Variants in DAAM2 observed in about 807,000 individuals in gnomAD.
The protein encoded by DAAM2 is disheveled-associated activator of morphogenesis 2.
In DAAM2, 39 loss-of-function variants were observed where a neutral mutation model predicts 120.7. The ratio of observed to expected loss-of-function variants is 0.32; its 90% CI spans 0.25 to 0.42. The LOEUF (loss-of-function observed/expected upper bound fraction) is 0.42, where lower values mean the gene tolerates loss of function less well. Ranked by LOEUF, DAAM2 falls within the 10% of genes least tolerant of loss-of-function variation. DAAM2 has a pLI of 1.00. For synonymous variants in DAAM2, 488 were observed against 524.9 expected, an observed-to-expected ratio of 0.93 and a Z score of 0.96; for missense variants, 1,283 against 1,401.7, an observed-to-expected ratio of 0.92 and a Z score of 1.35.
chr6:39,825,454 G>C (rs1273478822), intron 1 of DAAM2, among the ~76,000 whole-genome samples: 20 of 131,482 alleles, frequency 1.5e-4, no homozygotes, highest in Non-Finnish European at 2.8e-4. Flanking sequence ...TTGGTGGGGG[G>C]CCTTTGTTTC....
chr6:39,890,058 G>A (rs1326908767), intron 17 of DAAM2, among the ~76,000 whole-genome samples: 1 of 152,112 alleles, frequency 6.6e-6, no homozygotes, highest in African/African-American at 2.4e-5. Flanking sequence ...AACCCAGGAG[G>A]CGGAGGTTGC....
chr6:39,855,152 A>G (rs993217316), intron 1 of DAAM2, among the ~76,000 whole-genome samples: 1 of 152,226 alleles, frequency 6.6e-6, no homozygotes, highest in African/African-American at 2.4e-5. Context: ...TTGGCTGGGT[A>G]GCAGTTTGGT....
chr6:39,813,882 A>G (rs1369423935), intron 1 of DAAM2, among the ~76,000 whole-genome samples: 1 of 152,210 alleles, frequency 6.6e-6, no homozygotes, highest in East Asian at 1.9e-4. Context: ...TTGTGGTTTT[A>G]TCTTCTGGTT....
intron 1 of DAAM2, among the ~76,000 whole-genome samples, chr6:39,832,051 G>A (rs1487602100): frequency 2.0e-5 from 3 of 149,256 alleles, no homozygotes; most frequent in Non-Finnish European, 3.0e-5. Flanking sequence ...GGTACACTGC[G>A]GGGACAGGTG....
intron 1 of DAAM2, among the ~76,000 whole-genome samples, chr6:39,851,456 C>T (rs1212718561): frequency 6.6e-6 from 1 of 152,130 alleles, no homozygotes; most frequent in Non-Finnish European, 1.5e-5. Flanking sequence ...AATAAAATGT[C>T]GACATAGCCA....
chr6:39,861,473 C>A, intron 3 of DAAM2: 1 of 292,182 alleles, frequency 3.4e-6, no homozygotes, highest in Non-Finnish European at 6.8e-6. Flanking sequence ...AGCATATCCT[C>A]CCTCTCTTCT....
intron 1 of DAAM2, among the ~76,000 whole-genome samples, chr6:39,827,924 C>G (rs1375368748): frequency 6.6e-6 from 1 of 152,126 alleles, no homozygotes; most frequent in African/African-American, 2.4e-5. Flanking sequence ...AAGGCTCATA[C>G]CTGGGGAACG....
Position 39,802,666 on chromosome 6 carries a change from G to T in DAAM2, c.-57+10201G>T, listed in dbSNP as rs184146553. On this transcript the variant is annotated intron_variant, in intron 1 of 24. Coordinates refer to ENST00000274867, the MANE Select transcript of DAAM2 (RefSeq NM_001201427.2). ...TAAATAATACATCCCAGTGCCTTTT[G>T]CTGTCTACTGCCTACCTAGTCCACT... 2.6e-5 allele frequency among the ~76,000 whole-genome samples: 4 copies of T among 152,242 alleles called. No individual in the cohort carries two copies. The East Asian group carries it at 7.7e-4, about 29-fold the overall frequency.
intron 3 of DAAM2, among the ~76,000 whole-genome samples, chr6:39,863,430 G>A (rs1764296198): frequency 6.6e-6 from 1 of 152,150 alleles, no homozygotes; most frequent in Non-Finnish European, 1.5e-5. Flanking sequence ...TTTGTATTTT[G>A]TGAAACAAAA....
chr6:39,847,119 A>G (rs13214817), intron 1 of DAAM2, among the ~76,000 whole-genome samples: 1 of 152,208 alleles, frequency 6.6e-6, no homozygotes, highest in Non-Finnish European at 1.5e-5. Flanking sequence ...CCCGGGGGCC[A>G]GGTGGGGCCA....
At chr6:39,825,118 G>A (rs907427883) in intron 1 of DAAM2, among the ~76,000 whole-genome samples, 2 of 152,070 alleles carry the variant, frequency 1.3e-5, no homozygotes, top group African/African-American at 2.4e-5. Flanking sequence ...GGCTGGGTGC[G>A]GTGGCTCACG....
intron 6 of DAAM2, chr6:39,868,256 G>T (rs1341603758): frequency 4.1e-6 from 1 of 244,556 alleles, no homozygotes; most frequent in Non-Finnish European, 8.0e-6. Flanking sequence ...CCTAATGTGG[G>T]ACACTGGGAC....
At position 39,884,045 on chromosome 6, in the gene DAAM2, G is replaced by A; in HGVS notation, c.1929G>A (p.Met643Ile). The A allele has an allele frequency of 6.2e-7, 1 of 1,608,318 alleles. No homozygotes were observed. The highest frequency in any genetic ancestry group is 8.5e-7 in the Non-Finnish European group (1 of 1,175,762). The change falls in exon 15 of 25, where the codon ATG (methionine) becomes ATA (isoleucine). Residue 643 changes from methionine to isoleucine, a missense_variant. Physicochemically the swap from Met to Ile is conservative, Grantham distance 10. This residue lies in a region of DAAM2 where 748 missense variants were observed against 768.6 expected (regional missense o/e 0.97). Coordinates refer to ENST00000274867, the MANE Select transcript of DAAM2 (RefSeq NM_001201427.2). ...TGGACCTAGAGGATTTTGAAAAGAT[G>A]TTTTCAGCCTACCAGAGGCACCAGG... is the stretch of plus-strand genomic sequence containing the variant. The part of the protein sequence containing the change: ...RILDLEDFEK[M>I]FSAYQRHQKE...
chr6:39,874,182 T>A (rs540517631), intron 10 of DAAM2, among the ~76,000 whole-genome samples: 8 of 152,326 alleles, frequency 5.3e-5, no homozygotes, highest in African/African-American at 1.9e-4. Context: ...ATTTGAATAG[T>A]GAGTGAACCT....
rs374693093 is a variant in DAAM2, at chr6:39,864,557, C to A, written c.333+50C>A. ...CTGCCCCCACCTGGAAAGGCTACGG[C>A]AGGGAGTGATTCCCCCAGCCCCCAC... is the stretch of plus-strand genomic sequence containing the variant. On this transcript the variant is annotated intron_variant, in intron 4 of 24. Transcript: ENST00000274867. The A allele has an allele frequency of 7.6e-5, 113 of 1,488,074 alleles. No individual in the cohort carries two copies. In the African/African-American group the frequency reaches 1.3e-3, roughly 18 times the overall value. 92.2% of individuals were successfully genotyped at this position (1,488,074 alleles called of 1,614,324 possible). A position where few individuals can be genotyped will look rare whatever the true frequency, so the allele number is the denominator to read the frequency against.
intron 1 of DAAM2, chr6:39,822,332 CT>C (rs1762517889): frequency 6.6e-6 from 1 of 152,224 alleles, no homozygotes; most frequent in African/African-American, 2.4e-5. Context: ...GCCTCAGCCC[CT>C]GGCACTCACC....
At chr6:39,838,268 T>A (rs953236463) in intron 1 of DAAM2, among the ~76,000 whole-genome samples, 2 of 152,210 alleles carry the variant, frequency 1.3e-5, no homozygotes, top group African/African-American at 4.8e-5. Context: ...GGAGGACACA[T>A]AAGGCACCCA....
Position 39,878,635 on chromosome 6 carries a change from C to T in DAAM2, c.1545+47C>T, listed in dbSNP as rs1764973939. ...TACATAGTTGAGCCAAGACCCTGGG[C>T]TTCAGGACTGGGTGGGCAGAGCAGG... On this transcript the variant is annotated intron_variant, in intron 13 of 24. Coordinates refer to ENST00000274867, the MANE Select transcript of DAAM2 (RefSeq NM_001201427.2). This position sits in a 1 kb window ranked among gnomAD's most constrained non-coding sequence, Gnocchi z 5.0. 1.3e-6 allele frequency: 2 copies of T among 1,547,162 alleles called. No individual in the cohort carries two copies. The highest frequency in any genetic ancestry group is 2.4e-5 in the East Asian group (1 of 41,368).
chr6:39,851,687 G>A (rs562036827), intron 1 of DAAM2, among the ~76,000 whole-genome samples: 8 of 152,296 alleles, frequency 5.3e-5, no homozygotes, highest in South Asian at 4.2e-4. Flanking sequence ...TTCCTGGCTC[G>A]GAGAGCAATG....
Sources: allele counts gnomAD v4.1 joint callset (sites outside exome capture counted in the v4.1 genomes callset), GRCh38; gene constraint gnomAD v4.1.1; regional missense constraint gnomAD v4.1.1; non-coding constraint Gnocchi (gnomAD v3.1); transcripts MANE v1.5; gene names NCBI Gene and HGNC (gene_info 2026-07-23, HGNC 2026-07-21).